The following CTDSPL2 variants were observed in gnomAD, a reference collection of about 807,000 sequenced individuals.
CTDSPL2 encodes the protein CTD small phosphatase-like protein 2.
In CTDSPL2, 5 loss-of-function variants were observed where a neutral mutation model predicts 60.0. That is an observed-to-expected ratio of 0.08 (90% CI 0.04 to 0.18). The LOEUF (loss-of-function observed/expected upper bound fraction) is 0.18, where lower values mean the gene tolerates loss of function less well. Among genes scored for constraint, CTDSPL2 ranks in the 10% least tolerant of loss-of-function variants. The pLI, the probability that CTDSPL2 is intolerant of heterozygous loss-of-function variation, is 1.00. For missense variants in CTDSPL2, 370 were observed against 548.8 expected (o/e 0.67, Z 3.26); for synonymous variants, 186 against 189.3 (o/e 0.98, Z 0.14).
In CTDSPL2 at chr15:44,435,835, G is replaced by C. The variant is rs2131400; in HGVS notation, c.-25+8063G>C. 1.5e-3 allele frequency among the ~76,000 whole-genome samples: 226 copies of C among 152,098 alleles called. 1 individual carries two copies. Among genetic ancestry groups the C allele is most frequent in the Non-Finnish European group, 2.3e-3 (159 of 67,980 alleles). On this transcript the variant is annotated intron_variant, in intron 1 of 12. Transcript: ENST00000260327. ...TTGGCCAGGCTGGTCTCGAACTCCA[G>C]ACCTCAAGTGGTCCACCCGCCTCGG...
intron 8 of CTDSPL2, among the ~76,000 whole-genome samples, chr15:44,513,327 C>T (rs544795345): frequency 2.6e-5 from 4 of 151,942 alleles, no homozygotes; most frequent in East Asian, 3.9e-4. Context: ...GTTAGCCGGT[C>T]GTGGTGATGA....
At chr15:44,500,155 C>T (rs2081362834) in intron 8 of CTDSPL2, among the ~76,000 whole-genome samples, 1 of 152,140 alleles carries the variant, frequency 6.6e-6, no homozygotes, top group Admixed American at 6.5e-5. Context: ...TTTTGTTTTC[C>T]AAAAATCCAA....
intron 11 of CTDSPL2, chr15:44,520,689 A>G (rs1185597595): frequency 6.6e-6 from 1 of 152,244 alleles, no homozygotes; most frequent in Non-Finnish European, 1.5e-5. Context: ...AATTATATCA[A>G]TTATCCTCCA....
intron 1 of CTDSPL2, among the ~76,000 whole-genome samples, chr15:44,443,902 T>C (rs533652559): frequency 2.6e-5 from 4 of 152,166 alleles, no homozygotes; most frequent in Non-Finnish European, 5.9e-5. Flanking sequence ...ACACAAAAAT[T>C]AAAAACAAAA....
chr15:44,499,804 C>G lies in CTDSPL2; in HGVS notation c.960C>G (p.Val320=). The G allele has an allele frequency of 6.3e-7, 1 of 1,599,558 alleles. No homozygotes were observed. The highest frequency in any genetic ancestry group is 8.6e-7 in the Non-Finnish European group (1 of 1,168,738). The change falls in exon 8 of 13, where the codon GTC becomes GTG. Residue 320 remains valine, a synonymous_variant. Transcript: ENST00000260327. ...ALTFPVLFQD[V]IYQVYVRLRP... ...CTTTTCCAGTCCTTTTCCAAGATGT[C>G]ATTTATCAGGTAATTAAAATTTTTT...
intron 11 of CTDSPL2, chr15:44,520,349 G>A (rs1481514156): frequency 6.6e-6 from 1 of 150,710 alleles, no homozygotes; most frequent in Non-Finnish European, 1.5e-5. Context: ...GGGTTTTGCT[G>A]TGTTGGCCAG....
chr15:44,483,538 CAA>C (rs901980878), intron 2 of CTDSPL2, among the ~76,000 whole-genome samples: 2 of 133,808 alleles, frequency 1.5e-5, no homozygotes, highest in Admixed American at 7.5e-5. Context: ...AACTCTGTCT[CAA>C]AAAAAAAAAA....
chr15:44,429,160 A>G (rs905297154), intron 1 of CTDSPL2, among the ~76,000 whole-genome samples: 1 of 152,218 alleles, frequency 6.6e-6, no homozygotes, highest in South Asian at 2.1e-4. Flanking sequence ...ACACACAAAC[A>G]TTATTATAAT....
intron 10 of CTDSPL2, among the ~76,000 whole-genome samples, chr15:44,515,989 T>TTC (rs1231325690): frequency 6.7e-6 from 1 of 149,490 alleles, no homozygotes; most frequent in Non-Finnish European, 1.5e-5. Flanking sequence ...TCTTTTTCTT[T>TTC]TTTTTTTTTT....
Position 44,524,191 on chromosome 15 carries a change from A to G in CTDSPL2, c.*17A>G. 3 of 1,601,024 alleles carry G rather than the reference A, an allele frequency of 1.9e-6. No homozygotes were observed. The highest frequency in any genetic ancestry group is 2.6e-6 in the Non-Finnish European group (3 of 1,168,244). Reference sequence around the variant, plus strand: ...CCAGATTAAGTACAAAGACTTGTCAAATCACTGAAGGGGGAGAGAATGCAG... The same window carrying G: ...CCAGATTAAGTACAAAGACTTGTCAGATCACTGAAGGGGGAGAGAATGCAG... On this transcript the variant is annotated 3_prime_UTR_variant, in exon 13 of 13. Transcript: ENST00000260327.
chr15:44,431,955 C>G (rs2079869253), intron 1 of CTDSPL2, among the ~76,000 whole-genome samples: 1 of 151,530 alleles, frequency 6.6e-6, no homozygotes, highest in African/African-American at 2.4e-5. Flanking sequence ...AGCTCCTGAC[C>G]TGAAGTGATC....
chr15:44,432,802 G>T (rs546286289), intron 1 of CTDSPL2, among the ~76,000 whole-genome samples: 1 of 151,498 alleles, frequency 6.6e-6, no homozygotes, highest in South Asian at 2.1e-4. Context: ...TATATTTTTA[G>T]TAGAGATAGG....
chr15:44,443,183 C>T (rs1448008930), intron 1 of CTDSPL2, among the ~76,000 whole-genome samples: 2 of 152,156 alleles, frequency 1.3e-5, no homozygotes, highest in South Asian at 2.1e-4. Flanking sequence ...TCTTCTCAAA[C>T]GGAAACTCTG....
chr15:44,475,539 T>A (rs915229068), intron 2 of CTDSPL2, among the ~76,000 whole-genome samples: 1 of 151,558 alleles, frequency 6.6e-6, no homozygotes, highest in African/African-American at 2.4e-5. Context: ...CTCGGGAGGC[T>A]GAGGCAGGAG....
At chr15:44,449,666 C>T (rs916836153) in intron 1 of CTDSPL2, among the ~76,000 whole-genome samples, 6 of 151,996 alleles carry the variant, frequency 3.9e-5, no homozygotes, top group African/African-American at 7.2e-5. Context: ...GATTAGAACT[C>T]GTTTAAGGCG....
chr15:44,457,642 C>T (rs965913512), intron 1 of CTDSPL2, among the ~76,000 whole-genome samples: 6 of 152,148 alleles, frequency 3.9e-5, no homozygotes, highest in Non-Finnish European at 7.4e-5. Flanking sequence ...GATGGAATCT[C>T]GCTCTGTTGC....
At chr15:44,500,251 C>G (rs962675444) in intron 8 of CTDSPL2, among the ~76,000 whole-genome samples, 2 of 152,172 alleles carry the variant, frequency 1.3e-5, no homozygotes, top group African/African-American at 2.4e-5. Flanking sequence ...TTTAGTACAT[C>G]TCTTTTATAA....
At chr15:44,495,806 T>C (rs923831046) in intron 5 of CTDSPL2, among the ~76,000 whole-genome samples, 2 of 151,960 alleles carry the variant, frequency 1.3e-5, no homozygotes, top group African/African-American at 4.8e-5. Context: ...TGGTGGCACG[T>C]GTCTAATCCC....
chr15:44,490,043 T>G (rs186807048), intron 4 of CTDSPL2, among the ~76,000 whole-genome samples: 24 of 152,254 alleles, frequency 1.6e-4, no homozygotes, highest in Admixed American at 4.6e-4. Flanking sequence ...TGTAAGGAAG[T>G]TGAGAATATT....
Sources: allele counts gnomAD v4.1 joint callset (sites outside exome capture counted in the v4.1 genomes callset), GRCh38; gene constraint gnomAD v4.1.1; transcripts MANE v1.5; gene names NCBI Gene and HGNC (gene_info 2026-07-23, HGNC 2026-07-21).